ZNF200: variants seen among roughly 807,000 people sequenced by gnomAD.
ZNF200 encodes zinc finger protein 200.
ZNF200 carries 35 observed loss-of-function variants against 33.6 expected under a neutral mutation model. The ratio of observed to expected loss-of-function variants is 1.04; its 90% CI spans 0.80 to 1.38. The LOEUF (loss-of-function observed/expected upper bound fraction) is 1.38, where lower values mean the gene tolerates loss of function less well. ZNF200 is among the 40% of genes most tolerant of loss of function. ZNF200 has a pLI of 0.00. For synonymous variants in ZNF200, 209 were observed against 167.7 expected, an observed-to-expected ratio of 1.25 and a Z score of -1.90; for missense variants, 592 against 470.6, an observed-to-expected ratio of 1.26 and a Z score of -2.39.
intron 4 of ZNF200, chr16:3,226,702 C>T (rs1265188520): frequency 6.6e-6 from 1 of 152,150 alleles, no homozygotes; most frequent in Non-Finnish European, 1.5e-5. Context: ...ACAAACAATA[C>T]CACAGTGAAT....
chr16:3,231,130 C>A (rs1222147757), intron 4 of ZNF200, among the ~76,000 whole-genome samples: 2 of 152,098 alleles, frequency 1.3e-5, no homozygotes, highest in African/African-American at 4.8e-5. Flanking sequence ...AAGTGGGGAA[C>A]AGAGGGTGAG....
chr16:3,234,700 A>G (rs1259781723), intron 1 of ZNF200: 2 of 152,098 alleles, frequency 1.3e-5, no homozygotes, highest in African/African-American at 2.4e-5. Context: ...TCTCCCGGGG[A>G]GCAGATGCAA....
At chr16:3,224,664 G>A (rs951620433) in intron 4 of ZNF200, 51 bp from the exon 5 acceptor site, 18 of 1,518,122 alleles carry the variant, frequency 1.2e-5, no homozygotes, top group Non-Finnish European at 1.4e-5. Flanking sequence ...ACAACACCAG[G>A]CAGGAAAAAA....
At chr16:3,225,895 ATTTT>A (rs201831365) in intron 4 of ZNF200, 1 of 144,458 alleles carries the variant, frequency 6.9e-6, no homozygotes, top group African/African-American at 2.6e-5. Flanking sequence ...ACACCAATAG[ATTTT>A]TTTTTATTTC....
At chr16:3,230,954 C>G (rs962155083) in intron 4 of ZNF200, among the ~76,000 whole-genome samples, 3 of 152,186 alleles carry the variant, frequency 2.0e-5, no homozygotes, top group African/African-American at 7.2e-5. Flanking sequence ...AATGACTTGT[C>G]TTACAAACCA....
chr16:3,229,971 G>A (rs990293962), intron 4 of ZNF200, among the ~76,000 whole-genome samples: 2 of 152,238 alleles, frequency 1.3e-5, no homozygotes, highest in African/African-American at 2.4e-5. Flanking sequence ...AGTGATGGAG[G>A]TGGGGCCTAG....
Position 3,224,433 on chromosome 16 carries a change from C to T in ZNF200, c.647G>A (p.Arg216Lys). 1 of 1,614,162 alleles carries T rather than the reference C, an allele frequency of 6.2e-7. No individual in the cohort carries two copies. The highest frequency in any genetic ancestry group is 8.5e-7 in the Non-Finnish European group (1 of 1,180,034). Residue 216 changes from arginine to lysine, a missense_variant, in exon 5 of 5, where the codon AGA becomes AAA. Coordinates refer to ENST00000414144, the MANE Select transcript of ZNF200 (RefSeq NM_198088.3). ...NTSIPQKRKM[R>K]NLLVTIENDT... Reference sequence around the variant, plus strand: ...ATTCTCAATGGTAACTAACAGATTTCTCATTTTCCTTTTTTGTGGAATGGA... The same window carrying T: ...ATTCTCAATGGTAACTAACAGATTTTTCATTTTCCTTTTTTGTGGAATGGA...
Position 3,232,538 on chromosome 16 carries a change from C to A in ZNF200, c.349G>T (p.Val117Phe). 6.2e-7 allele frequency: 1 copy of A among 1,613,762 alleles called. No individual in the cohort carries two copies. The highest frequency in any genetic ancestry group is 8.5e-7 in the Non-Finnish European group (1 of 1,179,974). Reference sequence around the variant, plus strand: ...TGAAATACATTCAAATCCTCAAAGACCACCAGCTCCTGAAAGAGCAAGAGG... The same window carrying A: ...TGAAATACATTCAAATCCTCAAAGAACACCAGCTCCTGAAAGAGCAAGAGG... ...YLKANPEELV[V>F]FEDLNVFHCQ... The change falls in exon 4 of 5, where the codon GTC becomes TTC. Residue 117 changes from valine to phenylalanine, a missense_variant. Val to Phe is a conservative substitution (Grantham distance 50). Transcript: ENST00000414144.
At position 3,229,493 on chromosome 16, in the gene ZNF200, CA is replaced by C. The variant is rs376400873; in HGVS notation, c.466+2927del. 5.5e-3 allele frequency among the ~76,000 whole-genome samples: 839 copies of C among 151,894 alleles called. 8 individuals carry two copies. Among genetic ancestry groups the C allele is most frequent in the African/African-American group, 0.019 (779 of 41,442 alleles). On this transcript the variant is annotated intron_variant, in intron 4 of 4. Transcript: ENST00000414144. ...TTTCCATAGAGAAAATTGAAATTAT[CA>C]AAAAAAGACTAGCCACCTACCCAAG...
chr16:3,226,615 G>A (rs890165586), intron 4 of ZNF200: 1 of 152,194 alleles, frequency 6.6e-6, no homozygotes, highest in African/African-American at 2.4e-5. Flanking sequence ...CTTTGTCAAT[G>A]ATTTCTTGTC....
chr16:3,233,187 G>A (rs1346056038), intron 2 of ZNF200, among the ~76,000 whole-genome samples: 3 of 152,170 alleles, frequency 2.0e-5, no homozygotes, highest in Non-Finnish European at 2.9e-5. Context: ...GCAACGTAAA[G>A]TGTGAAGATG....
intron 4 of ZNF200, among the ~76,000 whole-genome samples, chr16:3,232,216 C>G (rs570019849): frequency 2.0e-5 from 3 of 152,110 alleles, no homozygotes; most frequent in African/African-American, 7.2e-5. Context: ...CTCACTGCCC[C>G]CAAGATACAG....
intron 4 of ZNF200, among the ~76,000 whole-genome samples, chr16:3,229,201 G>T (rs977096288): frequency 4.4e-5 from 3 of 68,268 alleles, no homozygotes; most frequent in Non-Finnish European, 1.4e-4. Flanking sequence ...GTATCTGAGT[G>T]GGGGTCCTGG....
At chr16:3,224,934 A>G in intron 4 of ZNF200, 1 of 266,844 alleles carries the variant, frequency 3.7e-6, no homozygotes, top group Non-Finnish European at 7.2e-6. Flanking sequence ...GCACTCAGGT[A>G]AGGACTAGGG....
chr16:3,230,898 T>C (rs931655782), intron 4 of ZNF200, among the ~76,000 whole-genome samples: 1 of 152,250 alleles, frequency 6.6e-6, no homozygotes, highest in African/African-American at 2.4e-5. Context: ...AGTCTTGCGA[T>C]AGCTCATTAT....
intron 1 of ZNF200, among the ~76,000 whole-genome samples, chr16:3,234,473 A>G (rs1013963199): frequency 5.9e-5 from 9 of 152,170 alleles, no homozygotes; most frequent in African/African-American, 1.2e-4. Context: ...TAAAAGGAAA[A>G]AGAAAGAAAA....
chr16:3,232,322 G>A, intron 4 of ZNF200, 99 bp downstream of exon 4: 5 of 1,349,554 alleles, frequency 3.7e-6, no homozygotes, highest in Non-Finnish European at 5.1e-6. Context: ...TGTGCACATA[G>A]GCTTACCAGG....
At chr16:3,229,242 T>C (rs922531204) in intron 4 of ZNF200, among the ~76,000 whole-genome samples, 1 of 152,138 alleles carries the variant, frequency 6.6e-6, no homozygotes, top group African/African-American at 2.4e-5. Context: ...CAAGGACAAG[T>C]GTATATCAGA....
intron 4 of ZNF200, among the ~76,000 whole-genome samples, chr16:3,229,282 T>C (rs1394716445): frequency 6.6e-6 from 1 of 152,108 alleles, no homozygotes; most frequent in Non-Finnish European, 1.5e-5. Flanking sequence ...GTGATGCTCA[T>C]AAGAGAGCTC....
Sources: allele counts gnomAD v4.1 joint callset (sites outside exome capture counted in the v4.1 genomes callset), GRCh38; gene constraint gnomAD v4.1.1; transcripts MANE v1.5; gene names NCBI Gene and HGNC (gene_info 2026-07-23, HGNC 2026-07-21).